SLC4A4: variants seen among roughly 807,000 people sequenced by gnomAD.
SLC4A4 encodes electrogenic sodium bicarbonate cotransporter 1.
A neutral mutation model predicts 111.5 loss-of-function variants in SLC4A4; 27 were observed. The ratio of observed to expected loss-of-function variants is 0.24; its 90% CI spans 0.18 to 0.33. The LOEUF is 0.33. Among genes scored for constraint, SLC4A4 ranks in the 10% least tolerant of loss-of-function variants. The pLI is 1.00. For missense variants in SLC4A4, 909 were observed against 1,315.5 expected, an observed-to-expected ratio of 0.69 and a Z score of 4.78; for synonymous variants, 443 against 463.4, an observed-to-expected ratio of 0.96 and a Z score of 0.57.
chr4:71,524,852 A>G (rs1733276189), intron 16 of SLC4A4, among the ~76,000 whole-genome samples: 1 of 152,128 alleles, frequency 6.6e-6, no homozygotes, highest in Admixed American at 6.6e-5. Context: ...TTGACATCAT[A>G]AGTTAAAATG....
chr4:71,332,121 G>A (rs1256495144), intron 3 of SLC4A4, among the ~76,000 whole-genome samples: 3 of 151,888 alleles, frequency 2.0e-5, no homozygotes, highest in Non-Finnish European at 2.9e-5. Flanking sequence ...AAACAACCAG[G>A]TTTTTGTTTC....
chr4:71,185,325 T>C (rs915968823), upstream of SLC4A4, among the ~76,000 whole-genome samples: 2 of 152,240 alleles, frequency 1.3e-5, no homozygotes, highest in African/African-American at 4.8e-5. Context: ...CTTTGCCTGT[T>C]AGCTTACTTT....
intron 3 of SLC4A4, among the ~76,000 whole-genome samples, chr4:71,324,047 T>C (rs1171824148): frequency 6.6e-6 from 1 of 152,074 alleles, no homozygotes; most frequent in East Asian, 1.9e-4. Flanking sequence ...AGAATCAATA[T>C]GTGTGAAACA....
At chr4:71,250,273 A>G (rs1479897033) in intron 2 of SLC4A4, among the ~76,000 whole-genome samples, 1 of 152,182 alleles carries the variant, frequency 6.6e-6, no homozygotes, top group Non-Finnish European at 1.5e-5. Context: ...TTTAACTCAT[A>G]TTTTGGGAAT....
intron 3 of SLC4A4, among the ~76,000 whole-genome samples, chr4:71,267,899 A>G (rs1291599056): frequency 6.6e-6 from 1 of 151,760 alleles, no homozygotes; most frequent in Non-Finnish European, 1.5e-5. Flanking sequence ...TATAAGGCAT[A>G]CAGTAAGTTG....
rs1434681534 is a variant in SLC4A4 at position 71,164,641 on chromosome 4, G to A, written c.-2+71849G>A. On this transcript the variant is annotated intron_variant, in intron 2 of 26. Coordinates refer to the SLC4A4 transcript ENST00000649996. ...GCAATACCATTCAGGACATAGGCAT[G>A]GGCAAAGACTTCATGACTAAAACAC... Among the ~76,000 whole-genome samples the A allele has an allele frequency of 3.3e-5, 5 of 152,162 alleles. No individual in the cohort carries two copies. In the East Asian group the frequency reaches 9.7e-4, roughly 29 times the overall value.
chr4:71,152,021 CA>C (rs201549552), intron 2 of SLC4A4, among the ~76,000 whole-genome samples: 17 of 150,424 alleles, frequency 1.1e-4, no homozygotes, highest in Non-Finnish European at 1.2e-4. Context: ...AAAACCCTCT[CA>C]AAAAAAAATT....
chr4:71,088,834 A>C (rs1413016186), intron 1 of SLC4A4, among the ~76,000 whole-genome samples: 5 of 152,030 alleles, frequency 3.3e-5, no homozygotes, highest in African/African-American at 1.2e-4. Context: ...GGCTGCCCTT[A>C]ACATTTTTTC....
rs1742870982 is a variant in SLC4A4 at position 71,105,152 on chromosome 4, G to C, written c.-2+12360G>C. Among the ~76,000 whole-genome samples, 3 of 143,982 alleles carry C rather than the reference G, an allele frequency of 2.1e-5. 1 individual carries two copies. Among genetic ancestry groups the C allele is most frequent in the South Asian group, 2.3e-4 (1 of 4,440 alleles). 94.5% of individuals were successfully genotyped at this position (143,982 alleles called of 152,430 possible). On this transcript the variant is annotated intron_variant, in intron 2 of 26. Coordinates refer to the SLC4A4 transcript ENST00000649996. Reference sequence around the variant, plus strand: ...ACAGACAGACAGAGAGCCAAATCATGAGTGAACTCCCATTCACAATTGCTT... The same window carrying C: ...ACAGACAGACAGAGAGCCAAATCATCAGTGAACTCCCATTCACAATTGCTT...
chr4:71,416,152 T>C (rs6833803), intron 7 of SLC4A4, among the ~76,000 whole-genome samples: 30,013 of 152,168 alleles, frequency 0.2, 3,306 homozygotes, highest in South Asian at 0.42. Context: ...GCTTGGACTC[T>C]GGAGACAGCC....
intron 2 of SLC4A4, among the ~76,000 whole-genome samples, chr4:71,145,351 G>A (rs1453944644): frequency 2.0e-5 from 3 of 152,164 alleles, no homozygotes; most frequent in Non-Finnish European, 4.4e-5. Flanking sequence ...CAGTCTGCCA[G>A]TATTTTATTG....
chr4:71,226,763 A>T (rs1341549817), intron 1 of SLC4A4, among the ~76,000 whole-genome samples: 2 of 152,102 alleles, frequency 1.3e-5, no homozygotes, highest in African/African-American at 4.8e-5. Context: ...TTACAGATCC[A>T]CTTAATACCA....
At chr4:71,173,782 G>A (rs560189868) in intron 2 of SLC4A4, among the ~76,000 whole-genome samples, 1 of 152,174 alleles carries the variant, frequency 6.6e-6, no homozygotes, top group African/African-American at 2.4e-5. Flanking sequence ...ATCTGAAACA[G>A]TTGACCATGT....
chr4:71,229,034 C>T (rs1478711783), intron 1 of SLC4A4, among the ~76,000 whole-genome samples: 1 of 152,186 alleles, frequency 6.6e-6, no homozygotes, highest in Non-Finnish European at 1.5e-5. Context: ...CCACAGGGGT[C>T]CCTCGTGTTA....
intron 3 of SLC4A4, among the ~76,000 whole-genome samples, chr4:71,316,796 C>T (rs1353661007): frequency 2.0e-5 from 3 of 152,074 alleles, no homozygotes; most frequent in Non-Finnish European, 4.4e-5. Context: ...TAAGTGAGAA[C>T]ATGCGGTGTT....
At chr4:71,420,585 G>A (rs1196869378) in intron 7 of SLC4A4, among the ~76,000 whole-genome samples, 1 of 152,210 alleles carries the variant, frequency 6.6e-6, no homozygotes, top group Admixed American at 6.5e-5. Flanking sequence ...CAGCCAGAGA[G>A]AAAGGTCGGG....
chr4:71,475,775 GA>G (rs1295183920), intron 14 of SLC4A4, among the ~76,000 whole-genome samples: 1 of 151,840 alleles, frequency 6.6e-6, no homozygotes, highest in Non-Finnish European at 1.5e-5. Flanking sequence ...TATTTTGAAG[GA>G]AAAGAAAGAG....
At chr4:71,353,842 C>T (rs1259733584) in intron 5 of SLC4A4, among the ~76,000 whole-genome samples, 1 of 152,222 alleles carries the variant, frequency 6.6e-6, no homozygotes, top group Non-Finnish European at 1.5e-5. Context: ...ACCAGCCTGC[C>T]TCTGAGAGGC....
intron 18 of SLC4A4, among the ~76,000 whole-genome samples, chr4:71,544,631 T>G (rs7680649): frequency 0.72 from 109,565 of 151,874 alleles, 39,735 homozygotes; most frequent in Admixed American, 0.76. Flanking sequence ...CAATGGTTAT[T>G]TAGTCTTACT....
Sources: gnomAD v4.1 joint callset for allele counts (sites outside exome capture counted in the v4.1 genomes callset) on GRCh38, gnomAD v4.1.1 for gene constraint, MANE v1.5 for transcripts, NCBI Gene and HGNC (gene_info 2026-07-23, HGNC 2026-07-21) for gene names.